TMEM135: variants seen among roughly 807,000 people sequenced by gnomAD.
The protein encoded by TMEM135 is peroxisomal membrane protein 52.
A neutral mutation model predicts 60.3 loss-of-function variants in TMEM135; 30 were observed. The observed-to-expected ratio is 0.50, with a 90% CI of 0.37 to 0.68. TMEM135 has a LOEUF of 0.68. TMEM135 is among the 30% of genes least tolerant of loss of function. The probability of loss-of-function intolerance (pLI) is 0.00; values close to 1 mark genes in which losing one functional copy is unlikely to be tolerated. For missense variants in TMEM135, 468 were observed against 548.8 expected (o/e 0.85, Z 1.47); for synonymous variants, 190 against 186.7 (o/e 1.02, Z -0.14).
Position 87,325,960 on chromosome 11 carries a change from C to A in TMEM135, c.*4627C>A. On this transcript the variant is annotated 3_prime_UTR_variant, in exon 15 of 15. Transcript: ENST00000305494. Reference sequence around the variant, plus strand: ...TATTGGGTTTTATCTTTTGTCCCAGCAGACCTGAAAATCCCAGTATATTAC... The same window carrying A: ...TATTGGGTTTTATCTTTTGTCCCAGAAGACCTGAAAATCCCAGTATATTAC... 2.2e-6 allele frequency: 1 copy of A among 453,976 alleles called. No individual in the cohort carries two copies. The highest frequency in any genetic ancestry group is 1.6e-5 in the South Asian group (1 of 64,466). The allele number at this position is 453,976 out of a possible 1,614,324, so 28.1% of individuals were successfully genotyped here. A position where few individuals can be genotyped will look rare whatever the true frequency, so the allele number is the denominator to read the frequency against.
chr11:87,305,921 T>G lies in TMEM135; in HGVS notation c.699-15T>G, dbSNP rs776953504. 1.9e-5 allele frequency: 31 copies of G among 1,600,150 alleles called. No individual in the cohort carries two copies. The East Asian group carries it at 2.9e-4, about 15-fold the overall frequency. ...TTAATTATAATTAGTTTAATTTTTT[T>G]GGGTTCAATTTCAGATGCAAACATG... On this transcript the variant is annotated splice_polypyrimidine_tract_variant and intron_variant, in intron 8 of 14. Transcript: ENST00000305494.
chr11:87,139,840 TTG>T (rs902056565), intron 4 of TMEM135, among the ~76,000 whole-genome samples: 1 of 152,114 alleles, frequency 6.6e-6, no homozygotes, highest in Non-Finnish European at 1.5e-5. Context: ...TCATAAATAT[TTG>T]TGTGTGTGTA....
At chr11:87,093,378 A>AT (rs938940679) in intron 4 of TMEM135, among the ~76,000 whole-genome samples, 11 of 150,194 alleles carry the variant, frequency 7.3e-5, no homozygotes, top group South Asian at 6.4e-4. Context: ...ATGTCCGGCT[A>AT]TTTTTTTTTA....
chr11:87,093,322 C>G (rs1446498303), intron 4 of TMEM135, among the ~76,000 whole-genome samples: 1 of 152,072 alleles, frequency 6.6e-6, no homozygotes, highest in Non-Finnish European at 1.5e-5. Flanking sequence ...AAGCAATCCT[C>G]CTACCTCACC....
At chr11:87,173,752 T>C (rs763318166) in intron 5 of TMEM135, among the ~76,000 whole-genome samples, 5 of 152,212 alleles carry the variant, frequency 3.3e-5, no homozygotes, top group Admixed American at 6.5e-5. Context: ...TGGTAGTTGA[T>C]AATAAAAGAC....
chr11:87,060,269 C>T (rs1160478629), intron 1 of TMEM135, among the ~76,000 whole-genome samples: 1 of 152,078 alleles, frequency 6.6e-6, no homozygotes, highest in African/African-American at 2.4e-5. Flanking sequence ...CATCTTCTTT[C>T]CTCTTTATTT....
chr11:87,300,262 A>G (rs1024832335), intron 7 of TMEM135, among the ~76,000 whole-genome samples: 2 of 152,188 alleles, frequency 1.3e-5, no homozygotes, highest in African/African-American at 4.8e-5. Context: ...TGGAAACTGT[A>G]TGTAGGATGA....
chr11:87,301,784 A>G (rs1386462027), intron 7 of TMEM135, among the ~76,000 whole-genome samples: 2 of 152,238 alleles, frequency 1.3e-5, no homozygotes, highest in South Asian at 2.1e-4. Context: ...TTGGAAAAAT[A>G]TAATCTAGTT....
At chr11:87,237,761 G>A (rs1941033617) in intron 6 of TMEM135, among the ~76,000 whole-genome samples, 2 of 151,618 alleles carry the variant, frequency 1.3e-5, no homozygotes, top group East Asian at 3.9e-4. Flanking sequence ...CAAATAGTAG[G>A]TCTCATTCTT....
chr11:87,054,825 C>G (rs1341605193), intron 1 of TMEM135, among the ~76,000 whole-genome samples: 1 of 151,904 alleles, frequency 6.6e-6, no homozygotes, highest in Non-Finnish European at 1.5e-5. Flanking sequence ...ATGTCAGAAA[C>G]TCTCAAGCAC....
chr11:87,273,446 A>G (rs954891632), intron 6 of TMEM135, among the ~76,000 whole-genome samples: 1 of 151,936 alleles, frequency 6.6e-6, no homozygotes, highest in Non-Finnish European at 1.5e-5. Flanking sequence ...TCTTTCCTTT[A>G]TCCATTGATA....
intron 1 of TMEM135, among the ~76,000 whole-genome samples, chr11:87,058,679 G>A (rs1173370268): frequency 3.3e-5 from 5 of 152,058 alleles, no homozygotes; most frequent in Non-Finnish European, 7.4e-5. Flanking sequence ...GAGTGCAGTG[G>A]CGCGATCTCA....
Position 87,325,723 on chromosome 11 carries a change from T to A in TMEM135, c.*4390T>A, listed in dbSNP as rs763044276. 2.2e-6 allele frequency: 1 copy of A among 453,910 alleles called. No individual in the cohort carries two copies. The highest frequency in any genetic ancestry group is 1.6e-5 in the South Asian group (1 of 64,456). The allele number at this position is 453,910 out of a possible 1,614,324, so 28.1% of individuals were successfully genotyped here. A position where few individuals can be genotyped will look rare whatever the true frequency, so the allele number is the denominator to read the frequency against. ...ACTGATTTTTTTTTTATATGCTCTG[T>A]TTTTCTTAGGCAGGATGATGTAGAA... On this transcript the variant is annotated 3_prime_UTR_variant, in exon 15 of 15. Coordinates refer to ENST00000305494, the MANE Select transcript of TMEM135 (RefSeq NM_022918.4).
At chr11:87,229,623 T>A (rs1940844954) in intron 5 of TMEM135, among the ~76,000 whole-genome samples, 1 of 152,198 alleles carries the variant, frequency 6.6e-6, no homozygotes, top group African/African-American at 2.4e-5. Context: ...CCTCCAGAGA[T>A]GTTTACAAAG....
intron 6 of TMEM135, among the ~76,000 whole-genome samples, chr11:87,243,812 T>G (rs1334482338): frequency 3.5e-5 from 3 of 84,754 alleles, no homozygotes; most frequent in Non-Finnish European, 5.8e-5. Context: ...ACAATTTGAC[T>G]TCCTCTTTTC....
chr11:87,205,262 T>A (rs1854361684), intron 5 of TMEM135, among the ~76,000 whole-genome samples: 1 of 152,194 alleles, frequency 6.6e-6, no homozygotes, highest in Non-Finnish European at 1.5e-5. Context: ...TTATGGAATA[T>A]TCTGAGATTA....
At chr11:87,127,722 T>A (rs899335840) in intron 4 of TMEM135, among the ~76,000 whole-genome samples, 17 of 152,234 alleles carry the variant, frequency 1.1e-4, no homozygotes, top group Non-Finnish European at 1.5e-5. Context: ...GTTGATTAAG[T>A]GGTGAAGTAG....
chr11:87,042,018 A>T (rs1055215670), intron 1 of TMEM135, among the ~76,000 whole-genome samples: 6 of 152,208 alleles, frequency 3.9e-5, no homozygotes, highest in Admixed American at 3.3e-4. Context: ...GGCCCTCTGA[A>T]GGTTCACCAA....
intron 4 of TMEM135, among the ~76,000 whole-genome samples, chr11:87,152,996 C>T (rs1466123976): frequency 6.6e-6 from 1 of 152,004 alleles, no homozygotes; most frequent in African/African-American, 2.4e-5. Context: ...GTTTCCTTAC[C>T]TCTTCTCCAG....
Sources: gnomAD v4.1 joint callset for allele counts (sites outside exome capture counted in the v4.1 genomes callset) on GRCh38, gnomAD v4.1.1 for gene constraint, MANE v1.5 for transcripts, NCBI Gene and HGNC (gene_info 2026-07-23, HGNC 2026-07-21) for gene names.